NAALADL2: variants seen among roughly 807,000 people sequenced by gnomAD.
The protein encoded by NAALADL2 is N-acetylated alpha-linked acidic dipeptidase like 2, also known as inactive N-acetylated-alpha-linked acidic dipeptidase-like protein 2.
Under a neutral mutation model 87.2 loss-of-function variants are expected in NAALADL2, and 76 were observed. That is an observed-to-expected ratio of 0.87 (90% CI 0.72 to 1.05). NAALADL2 has a LOEUF of 1.05. NAALADL2 is among the 50% of genes least tolerant of loss of function. NAALADL2 has a pLI of 0.00. For synonymous variants in NAALADL2, 354 were observed against 331.0 expected (o/e 1.07, Z -0.75); for missense variants, 1,089 against 945.8 (o/e 1.15, Z -1.99).
intron 1 of NAALADL2, among the ~76,000 whole-genome samples, chr3:174,525,196 T>A (rs149726268): frequency 2.0e-5 from 3 of 152,352 alleles, no homozygotes; most frequent in African/African-American, 7.2e-5. Flanking sequence ...TTGTTTCAGA[T>A]GAAAACTCGA....
Position 175,014,944 on chromosome 3 carries a change from T to C in NAALADL2, c.44-81846T>C, listed in dbSNP as rs375036062. On this transcript the variant is annotated intron_variant, in intron 1 of 13. Transcript: ENST00000454872. ...TTGCTTTTCACATATGGCTTAGGAA[T>C]GCTACTTTCAAATTTAAAAGACTAC... Among the ~76,000 whole-genome samples, 84 of 152,178 alleles carry C rather than the reference T, an allele frequency of 5.5e-4. 2 individuals carry two copies. Among genetic ancestry groups the C allele is most frequent in the African/African-American group, 1.9e-3 (77 of 41,534 alleles).
chr3:175,317,523 T>C (rs995280136), intron 4 of NAALADL2, among the ~76,000 whole-genome samples: 21 of 152,062 alleles, frequency 1.4e-4, no homozygotes, highest in African/African-American at 5.1e-4. Context: ...GCCATCCCGC[T>C]GGTAAACTGA....
intron 1 of NAALADL2, among the ~76,000 whole-genome samples, chr3:174,485,404 G>A (rs1717790967): frequency 7.9e-6 from 1 of 126,854 alleles, no homozygotes; most frequent in South Asian, 2.8e-4. Flanking sequence ...CAGGTATTAA[G>A]CCTAGTACCC....
chr3:175,324,044 G>GAAAAAAAAAAAAAAAAA (rs1399594788), intron 4 of NAALADL2, 131 bp from the exon 5 acceptor site: 1 of 444,024 alleles, frequency 2.3e-6, no homozygotes, highest in Non-Finnish European at 3.7e-6. Context: ...AAAAAAAAAA[G>GAAAAAAAAAAAAAAAAA]AAAAAGAAAA....
chr3:175,402,375 T>G (rs1770668620), intron 5 of NAALADL2, among the ~76,000 whole-genome samples: 1 of 152,074 alleles, frequency 6.6e-6, no homozygotes, highest in African/African-American at 2.4e-5. Flanking sequence ...ATGCTTCTTC[T>G]TGCCTCATAA....
intron 1 of NAALADL2, among the ~76,000 whole-genome samples, chr3:175,021,887 C>T (rs896399267): frequency 2.0e-5 from 3 of 152,152 alleles, no homozygotes; most frequent in Non-Finnish European, 4.4e-5. Context: ...CCCTTCAGAT[C>T]TCAAGTTGAA....
chr3:174,585,550 A>G (rs1320735876), intron 2 of NAALADL2, among the ~76,000 whole-genome samples: 2 of 152,168 alleles, frequency 1.3e-5, no homozygotes. Flanking sequence ...AAAGATGTGG[A>G]GCTGTGAAAT....
chr3:175,049,394 A>G (rs1160702177), intron 1 of NAALADL2, among the ~76,000 whole-genome samples: 2 of 152,202 alleles, frequency 1.3e-5, no homozygotes, highest in African/African-American at 4.8e-5. Flanking sequence ...AACCAGGGAA[A>G]GTAAAACCAG....
intron 2 of NAALADL2, among the ~76,000 whole-genome samples, chr3:174,624,632 A>G (rs2108677198): frequency 6.6e-6 from 1 of 152,198 alleles, no homozygotes; most frequent in East Asian, 1.9e-4. Context: ...TCAAAAAAAA[A>G]AAAAAAGTTG....
intron 2 of NAALADL2, among the ~76,000 whole-genome samples, chr3:175,229,074 A>T (rs1339780527): frequency 6.6e-6 from 1 of 151,944 alleles, no homozygotes; most frequent in Non-Finnish European, 1.5e-5. Context: ...TTTAATATGC[A>T]TTCATAAAAC....
At chr3:175,024,655 G>A (rs191749754) in intron 1 of NAALADL2, among the ~76,000 whole-genome samples, 1 of 152,064 alleles carries the variant, frequency 6.6e-6, no homozygotes, top group East Asian at 1.9e-4. Flanking sequence ...CTAAATCTAA[G>A]ACATTGTCTT....
intron 2 of NAALADL2, among the ~76,000 whole-genome samples, chr3:174,665,991 C>G (rs574232957): frequency 2.6e-5 from 4 of 152,256 alleles, no homozygotes; most frequent in African/African-American, 7.2e-5. Context: ...CCACCCTAAT[C>G]CAGTATGACC....
At chr3:175,359,309 A>G (rs1764720380) in intron 5 of NAALADL2, among the ~76,000 whole-genome samples, 1 of 152,058 alleles carries the variant, frequency 6.6e-6, no homozygotes, top group Admixed American at 6.6e-5. Flanking sequence ...TTTTTTTGCA[A>G]AGGACAAATA....
At chr3:175,474,977 G>A (rs1725465444) in intron 9 of NAALADL2, among the ~76,000 whole-genome samples, 1 of 151,114 alleles carries the variant, frequency 6.6e-6, no homozygotes, top group South Asian at 2.1e-4. Context: ...TATTGAAGGA[G>A]CATTATAAAC....
chr3:175,781,121 G>A (rs540192366), intron 13 of NAALADL2, among the ~76,000 whole-genome samples: 33 of 152,204 alleles, frequency 2.2e-4, no homozygotes, highest in South Asian at 1.7e-3. Flanking sequence ...AAATGAAACC[G>A]TAAATAAAGT....
chr3:175,563,493 C>A (rs1286648817), intron 9 of NAALADL2, among the ~76,000 whole-genome samples: 1 of 152,158 alleles, frequency 6.6e-6, no homozygotes, highest in Non-Finnish European at 1.5e-5. Context: ...TAATTATTTT[C>A]AGGTCTAAGC....
intron 1 of NAALADL2, among the ~76,000 whole-genome samples, chr3:174,965,966 G>A (rs566592302): frequency 6.6e-6 from 1 of 152,090 alleles, no homozygotes; most frequent in South Asian, 2.1e-4. Context: ...CAATGAATTT[G>A]CTATGGAAGT....
chr3:175,665,790 A>G (rs1732879676), intron 11 of NAALADL2, among the ~76,000 whole-genome samples: 1 of 151,904 alleles, frequency 6.6e-6, no homozygotes, highest in South Asian at 2.1e-4. Context: ...AATTAGCTGG[A>G]CGTGGTGGTG....
chr3:174,452,039 T>G (rs1468302174), intron 1 of NAALADL2, among the ~76,000 whole-genome samples: 1 of 151,490 alleles, frequency 6.6e-6, no homozygotes, highest in Non-Finnish European at 1.5e-5. Flanking sequence ...GGTGGGGTTT[T>G]GCTATGTTGG....
Sources: gnomAD v4.1 joint callset for allele counts (sites outside exome capture counted in the v4.1 genomes callset) on GRCh38, gnomAD v4.1.1 for gene constraint, MANE v1.5 for transcripts, NCBI Gene and HGNC (gene_info 2026-07-23, HGNC 2026-07-21) for gene names.